The following PAMR1 variants were observed in gnomAD, a reference collection of about 807,000 sequenced individuals.
The protein encoded by PAMR1 is inactive serine protease PAMR1.
Under a neutral mutation model 81.8 loss-of-function variants are expected in PAMR1, and 88 were observed. That is an observed-to-expected ratio of 1.08 (90% CI 0.91 to 1.28). PAMR1 has a LOEUF of 1.28. Among genes scored for constraint, PAMR1 ranks in the 50% most tolerant of loss-of-function variants. The pLI, the probability that PAMR1 is intolerant of heterozygous loss-of-function variation, is 0.00. For synonymous variants in PAMR1, 336 were observed against 345.3 expected, an observed-to-expected ratio of 0.97 and a Z score of 0.30; for missense variants, 935 against 919.7, an observed-to-expected ratio of 1.02 and a Z score of -0.21.
chr11:35,438,486 G>A (rs1283035949), intron 8 of PAMR1, among the ~76,000 whole-genome samples: 1 of 152,180 alleles, frequency 6.6e-6, no homozygotes, highest in African/African-American at 2.4e-5. Context: ...AGGCTCAGCA[G>A]GTTTAGGAAC....
At chr11:35,486,888 AC>A (rs1850520836) in intron 3 of PAMR1, among the ~76,000 whole-genome samples, 1 of 151,880 alleles carries the variant, frequency 6.6e-6, no homozygotes, top group South Asian at 2.1e-4. Flanking sequence ...ATATTTATCC[AC>A]CCCTCTTCCT....
At chr11:35,484,341 T>G (rs1453304449) in intron 3 of PAMR1, among the ~76,000 whole-genome samples, 1 of 152,132 alleles carries the variant, frequency 6.6e-6, no homozygotes, top group East Asian at 1.9e-4. Flanking sequence ...CCTAATACCA[T>G]CCCCAGTTTG....
intron 6 of PAMR1, among the ~76,000 whole-genome samples, chr11:35,447,741 T>C (rs910689750): frequency 6.6e-6 from 1 of 152,224 alleles, no homozygotes; most frequent in Non-Finnish European, 1.5e-5. Flanking sequence ...CATAGTGCCT[T>C]GGTCTGTCTA....
intron 6 of PAMR1, among the ~76,000 whole-genome samples, chr11:35,457,827 A>G (rs181501219): frequency 2.3e-4 from 35 of 152,332 alleles, no homozygotes; most frequent in Admixed American, 1.2e-3. Context: ...ACTCTGGGAG[A>G]CAGTGTGGAG....
At chr11:35,461,091 C>T (rs142474071) in intron 6 of PAMR1, among the ~76,000 whole-genome samples, 1 of 152,252 alleles carries the variant, frequency 6.6e-6, no homozygotes, top group East Asian at 1.9e-4. Context: ...CTCTTTCAAC[C>T]CTTAGTAGGT....
At chr11:35,519,817 C>T (rs1193430067) in intron 1 of PAMR1, among the ~76,000 whole-genome samples, 1 of 152,196 alleles carries the variant, frequency 6.6e-6, no homozygotes, top group Non-Finnish European at 1.5e-5. Context: ...CGCCAAAATA[C>T]AGCCAGCAGA....
At chr11:35,513,153 T>C (rs1187101904) in intron 1 of PAMR1, among the ~76,000 whole-genome samples, 1 of 152,218 alleles carries the variant, frequency 6.6e-6, no homozygotes, top group African/African-American at 2.4e-5. Flanking sequence ...AGGGGAGATA[T>C]TGTTATATTC....
intron 1 of PAMR1, among the ~76,000 whole-genome samples, chr11:35,499,226 C>T (rs894674830): frequency 1.3e-5 from 2 of 152,108 alleles, no homozygotes; most frequent in African/African-American, 2.4e-5. Context: ...TTTCCTCCCA[C>T]AGCGAGGTAT....
chr11:35,482,253 T>C (rs10836405), intron 3 of PAMR1, among the ~76,000 whole-genome samples: 45,850 of 152,144 alleles, frequency 0.3, 8,207 homozygotes, highest in Non-Finnish European at 0.4. Context: ...TTTCTGCATA[T>C]GGCTAGCCAG....
At chr11:35,468,213 C>T in intron 5 of PAMR1, 105 bp from the exon 6 acceptor site, 1 of 648,498 alleles carries the variant, frequency 1.5e-6, no homozygotes, top group Non-Finnish European at 2.7e-6. Context: ...AGTCTTCTTG[C>T]AATGTTTTTT....
chr11:35,489,563 A>G (rs1016781721), intron 3 of PAMR1, among the ~76,000 whole-genome samples: 4 of 152,178 alleles, frequency 2.6e-5, no homozygotes, highest in Non-Finnish European at 5.9e-5. Flanking sequence ...ACCATCCTTC[A>G]TCTCAGAACC....
intron 6 of PAMR1, among the ~76,000 whole-genome samples, chr11:35,461,519 T>C (rs369150297): frequency 1.3e-4 from 20 of 152,164 alleles, no homozygotes; most frequent in African/African-American, 4.6e-4. Context: ...GAGCCCAGGA[T>C]AGTTCATACT....
At chr11:35,490,947 T>C (rs550997286) in intron 3 of PAMR1, among the ~76,000 whole-genome samples, 1 of 152,368 alleles carries the variant, frequency 6.6e-6, no homozygotes, top group African/African-American at 2.4e-5. Context: ...GCTTGTATTC[T>C]GCTCATTATG....
At chr11:35,521,688 A>C (rs1851281947) in intron 1 of PAMR1, among the ~76,000 whole-genome samples, 2 of 152,152 alleles carry the variant, frequency 1.3e-5, no homozygotes, top group South Asian at 4.1e-4. Flanking sequence ...CCCCTGCTTC[A>C]TGTGCATCCT....
chr11:35,439,617 T>C lies in PAMR1; in HGVS notation c.1100+10A>G, dbSNP rs1475824267. The stretch of plus-strand genomic sequence containing the variant: ...GCCTTCAGGGCAGAGTGCAGGTGTT[T>C]TGACCTCACCTTGACTGAACCTGCA... On this transcript the variant is annotated intron_variant, in intron 8 of 10. Transcript: ENST00000619888. 1 of 1,609,614 alleles carries C rather than the reference T, an allele frequency of 6.2e-7. No homozygotes were observed. Among genetic ancestry groups the C allele is most frequent in the South Asian group, 1.1e-5 (1 of 90,982 alleles).
chr11:35,437,294 G>A (rs1590315443), intron 8 of PAMR1, among the ~76,000 whole-genome samples: 1 of 152,340 alleles, frequency 6.6e-6, no homozygotes, highest in Non-Finnish European at 1.5e-5. Context: ...GTGCAGAGAG[G>A]CAAGTGGAAG....
At chr11:35,434,474 G>A (rs781576972) in intron 10 of PAMR1, 38 bp downstream of exon 10, 1 of 1,586,082 alleles carries the variant, frequency 6.3e-7, no homozygotes, top group African/African-American at 1.3e-5. Context: ...GTTTTTTTGA[G>A]CCAGAGCCCC....
intron 1 of PAMR1, among the ~76,000 whole-genome samples, chr11:35,500,898 A>C (rs1311592799): frequency 5.3e-5 from 8 of 152,216 alleles, no homozygotes; most frequent in African/African-American, 1.9e-4. Context: ...AGATTTAAAA[A>C]ATGGAACAGC....
chr11:35,481,227 G>A (rs1227186499), intron 3 of PAMR1, among the ~76,000 whole-genome samples: 1 of 152,152 alleles, frequency 6.6e-6, no homozygotes, highest in East Asian at 1.9e-4. Flanking sequence ...ACCCAGTAAT[G>A]GAACTGCTGG....
Sources: allele counts gnomAD v4.1 joint callset (sites outside exome capture counted in the v4.1 genomes callset), GRCh38; gene constraint gnomAD v4.1.1; transcripts MANE v1.5; gene names NCBI Gene and HGNC (gene_info 2026-07-23, HGNC 2026-07-21).